Variants in PCNT observed in about 807,000 individuals in gnomAD.
PCNT encodes pericentrin.
In PCNT, 319 loss-of-function variants were observed where a neutral mutation model predicts 380.4. That is an observed-to-expected ratio of 0.84 (90% CI 0.77 to 0.92). The LOEUF is 0.92. Ranked by LOEUF, PCNT falls within the 40% of genes least tolerant of loss-of-function variation. The pLI, the probability that PCNT is intolerant of heterozygous loss-of-function variation, is 0.00. For missense variants in PCNT, 4,400 were observed against 4,255.3 expected (o/e 1.03, Z -0.95); for synonymous variants, 1,845 against 1,735.2 (o/e 1.06, Z -1.57).
chr21:46,365,317 A>G (rs34847319), intron 14 of PCNT, among the ~76,000 whole-genome samples: 2,077 of 67,774 alleles, frequency 0.031, 115 homozygotes, highest in African/African-American at 0.053. Context: ...ATTCACTGCC[A>G]TGGGGTTCTA....
intron 13 of PCNT, among the ~76,000 whole-genome samples, chr21:46,360,490 T>C (rs1472359052): frequency 7.0e-6 from 1 of 143,666 alleles, no homozygotes; most frequent in African/African-American, 2.6e-5. Context: ...CCCAAAGTGC[T>C]GGGATTACAG....
intron 15 of PCNT, among the ~76,000 whole-genome samples, chr21:46,376,829 A>G (rs2085345650): frequency 6.6e-6 from 1 of 152,232 alleles, no homozygotes; most frequent in African/African-American, 2.4e-5. Context: ...ACAGCTCAGA[A>G]GTTAATCTTA....
intron 33 of PCNT, among the ~76,000 whole-genome samples, chr21:46,426,377 C>T (rs1004392758): frequency 6.6e-6 from 1 of 152,156 alleles, no homozygotes; most frequent in African/African-American, 2.4e-5. Context: ...TCCAAGAACC[C>T]TGGGGAGGCC....
chr21:46,343,878 G>GC lies in PCNT; in HGVS notation c.640-2248dup, dbSNP rs1320042772. Reference sequence around the variant, plus strand: ...GTATATTTCCAGGAATTTATCCATCGCCTCCAGGTTTTCTAGTTTGTGCAC... The same window carrying GC: ...GTATATTTCCAGGAATTTATCCATCGCCCTCCAGGTTTTCTAGTTTGTGCAC... On this transcript the variant is annotated intron_variant, in intron 3 of 46. Coordinates refer to ENST00000359568, the MANE Select transcript of PCNT (RefSeq NM_006031.6). 2.6e-5 allele frequency among the ~76,000 whole-genome samples: 4 copies of GC among 152,042 alleles called. 1 individual carries two copies. The highest frequency in any genetic ancestry group is 9.6e-5 in the African/African-American group (4 of 41,476).
chr21:46,371,217 T>TC (rs34095506), intron 15 of PCNT, among the ~76,000 whole-genome samples: 42,815 of 140,152 alleles, frequency 0.31, 6,968 homozygotes, highest in East Asian at 0.42. Context: ...TTTCTTTCTT[T>TC]TTTTTTTTTT....
At chr21:46,407,651 C>G (rs752473628) in intron 27 of PCNT, among the ~76,000 whole-genome samples, 2 of 152,200 alleles carry the variant, frequency 1.3e-5, no homozygotes, top group Non-Finnish European at 2.9e-5. Context: ...TCTATACTTT[C>G]TCATTTTGTA....
intron 41 of PCNT, among the ~76,000 whole-genome samples, chr21:46,439,371 G>T (rs1193235452): frequency 1.3e-5 from 2 of 151,952 alleles, no homozygotes; most frequent in South Asian, 4.1e-4. Flanking sequence ...GGGCCTTGCT[G>T]CATCTCCCAG....
Position 46,353,265 on chromosome 21 carries a change from C to T in PCNT, c.1618C>T (p.Leu540=), listed in dbSNP as rs376041016. 13 of 1,614,028 alleles carry T rather than the reference C, an allele frequency of 8.1e-6. No homozygotes were observed. The highest frequency in any genetic ancestry group is 4.0e-5 in the African/African-American group (3 of 74,916). ...GAAAACTTACCAAGAAGACCTAACC[C>T]TGTTACAGCAGAGGCTGCAGGGGGC... The part of the protein sequence containing the change: ...AEKTYQEDLT[L]LQQRLQGARE... Residue 540 remains leucine (L), a synonymous_variant, in exon 10 of 47, where the codon CTG becomes TTG. Coordinates refer to ENST00000359568, the MANE Select transcript of PCNT (RefSeq NM_006031.6).
rs184965020 is a variant in PCNT, at chr21:46,399,795, A to G, written c.4790A>G (p.Gln1597Arg). The change falls in exon 25 of 47, where the codon CAG (glutamine) becomes CGG (arginine). Residue 1597 changes from glutamine (Q) to arginine (R), a missense_variant and splice_region_variant. Physicochemically the swap from Gln to Arg is conservative, Grantham distance 43. Coordinates refer to ENST00000359568, the MANE Select transcript of PCNT (RefSeq NM_006031.6). ...AAAAACATCGTGAAAGGGCTGGAAC[A>G]GGTAAAGCGTCTCCATGTTGTGGTT... The part of the protein sequence containing the change: ...KQKNIVKGLE[Q>R]DKEVLKKQQM... 3.7e-6 allele frequency: 6 copies of G among 1,613,622 alleles called. No homozygotes were observed. In the Admixed American group the frequency reaches 1.0e-4, roughly 27 times the overall value.
rs202161810 is a variant in PCNT at position 46,397,270 on chromosome 21, C to T, written c.4222C>T (p.Arg1408Trp). The T allele has an allele frequency of 3.9e-4, 626 of 1,613,834 alleles. 2 individuals carry two copies. The highest frequency in any genetic ancestry group is 5.0e-4 in the Non-Finnish European group (590 of 1,179,804). Residue 1408 changes from arginine to tryptophan, a missense_variant, in exon 22 of 47, where the codon CGG (arginine) becomes TGG (tryptophan). By Grantham distance (101) the Arg-to-Trp change is moderately radical (BLOSUM62 -3). Coordinates refer to ENST00000359568, the MANE Select transcript of PCNT (RefSeq NM_006031.6). ...TGTCCTGTTTGCATCCTTAGCTCTC[C>T]GGAAGGAAGTGGAGGATCTGACCAA... ...TDAEAREAAL[R>W]KEVEDLTKEQ...
At chr21:46,336,928 C>G (rs187064141) in intron 3 of PCNT, among the ~76,000 whole-genome samples, 2 of 152,178 alleles carry the variant, frequency 1.3e-5, no homozygotes, top group Admixed American at 6.5e-5. Flanking sequence ...TAGTGAGAAG[C>G]CTGGCTCTCA....
chr21:46,420,161 G>A (rs1033704316), intron 31 of PCNT, among the ~76,000 whole-genome samples: 4 of 152,106 alleles, frequency 2.6e-5, no homozygotes, highest in Middle Eastern at 3.4e-3. Flanking sequence ...CCAGTGACAC[G>A]CGACCTTGGA....
At chr21:46,347,886 C>T (rs1385055680) in intron 6 of PCNT, among the ~76,000 whole-genome samples, 1 of 152,114 alleles carries the variant, frequency 6.6e-6, no homozygotes. Flanking sequence ...GAATACCACA[C>T]AGGGAGGAGG....
At chr21:46,440,782 G>T (rs2053588255) in intron 42 of PCNT, 73 bp from the exon 43 acceptor site, 3 of 895,248 alleles carry the variant, frequency 3.4e-6, no homozygotes, top group East Asian at 4.8e-5. Flanking sequence ...AAGAGCAATG[G>T]TGTTAATGTG....
rs1169608598 is a variant in PCNT at position 46,411,943 on chromosome 21, C to G, written c.5870C>G (p.Ala1957Gly). 6.3e-7 allele frequency: 1 copy of G among 1,596,492 alleles called. No homozygotes were observed. Among genetic ancestry groups the G allele is most frequent in the Non-Finnish European group, 8.5e-7 (1 of 1,178,650 alleles). ...AGGCGGCAGGCCCGCAGAGCCACAG[C>G]TCACACACGGGTGCCCGGGGCCCAC... ...LDRRQARRAT[A>G]HTRVPGAHPQ... Residue 1957 changes from alanine (A) to glycine (G), a missense_variant, in exon 28 of 47, where the codon GCT becomes GGT. Transcript: ENST00000359568.
At chr21:46,443,524 C>G (rs1298070763) in intron 44 of PCNT, among the ~76,000 whole-genome samples, 1 of 152,216 alleles carries the variant, frequency 6.6e-6, no homozygotes, top group East Asian at 1.9e-4. Flanking sequence ...CCTCCTGAGC[C>G]AGCTCCTCAG....
intron 18 of PCNT, 116 bp from the exon 19 acceptor site, chr21:46,389,083 C>T (rs2085942564): frequency 7.8e-7 from 1 of 1,284,010 alleles, no homozygotes; most frequent in South Asian, 1.3e-5. Flanking sequence ...GTGGCGCTGA[C>T]TCATCTCGGC....
At chr21:46,333,774 G>A (rs970374629) in intron 2 of PCNT, among the ~76,000 whole-genome samples, 7 of 150,658 alleles carry the variant, frequency 4.6e-5, no homozygotes, top group African/African-American at 1.7e-4. Context: ...GGAGGTGGAG[G>A]TTTCAGTGAG....
intron 24 of PCNT, 86 bp downstream of exon 24, chr21:46,398,341 G>C: frequency 7.4e-7 from 1 of 1,357,684 alleles, no homozygotes; most frequent in Non-Finnish European, 1.0e-6. Context: ...CCACCCACTC[G>C]CTTTTCTTGC....
Sources: allele counts gnomAD v4.1 joint callset (sites outside exome capture counted in the v4.1 genomes callset), GRCh38; gene constraint gnomAD v4.1.1; transcripts MANE v1.5; gene names NCBI Gene and HGNC (gene_info 2026-07-23, HGNC 2026-07-21).